Variants in LIG3 observed in about 807,000 individuals in gnomAD.
The protein encoded by LIG3 is ligase II, DNA, ATP-dependent.
In LIG3, 58 loss-of-function variants were observed where a neutral mutation model predicts 110.9. The ratio of observed to expected loss-of-function variants is 0.52; its 90% CI spans 0.42 to 0.65. The LOEUF (loss-of-function observed/expected upper bound fraction) is 0.65. LIG3 is among the 30% of genes least tolerant of loss of function. The probability of loss-of-function intolerance (pLI) is 0.00; values close to 1 mark genes in which losing one functional copy is unlikely to be tolerated. For missense variants in LIG3, 1,094 were observed against 1,273.8 expected, an observed-to-expected ratio of 0.86 and a Z score of 2.15; for synonymous variants, 422 against 472.8, an observed-to-expected ratio of 0.89 and a Z score of 1.39.
rs2090822319 is a variant in LIG3, at chr17:34,999,912, C to T, written c.2331+56C>T. 2.2e-6 allele frequency: 3 copies of T among 1,394,304 alleles called. No individual in the cohort carries two copies. The Admixed American group carries it at 5.1e-5, about 24-fold the overall frequency. 86.4% of individuals were successfully genotyped at this position (1,394,304 alleles called of 1,614,324 possible). A position where few individuals can be genotyped will look rare whatever the true frequency, so the allele number is the denominator to read the frequency against. ...CTCATAGAATTAGCTTGCAGGTTCT[C>T]TAGTGCCATAGAGAATCCATCTCAC... On this transcript the variant is annotated intron_variant, in intron 16 of 19. Coordinates refer to ENST00000378526, the MANE Select transcript of LIG3 (RefSeq NM_013975.4).
chr17:35,005,894 C>G lies in LIG3; in HGVS notation c.*1388C>G, dbSNP rs535560147. The G allele has an allele frequency of 2.1e-5, 7 of 339,510 alleles. No individual in the cohort carries two copies. The highest frequency in any genetic ancestry group is 1.2e-4 in the Admixed American group (3 of 24,272). The allele number at this position is 339,510 out of a possible 1,614,324, so 21.0% of individuals were successfully genotyped here. ...GAAAAAAACAGGAAGCATATTGAAG[C>G]TCGGACTAGAATTTCTTCTTGGTAT... On this transcript the variant is annotated 3_prime_UTR_variant, in exon 20 of 20. Transcript: ENST00000378526.
At position 34,983,358 on chromosome 17, in the gene LIG3, G is replaced by A. The variant is rs747853708; in HGVS notation, c.353G>A (p.Arg118Gln). The A allele has an allele frequency of 9.3e-6, 15 of 1,614,236 alleles. No homozygotes were observed. Among genetic ancestry groups the A allele is most frequent in the Admixed American group, 3.3e-5 (2 of 60,030 alleles). The change falls in exon 2 of 20, where the codon CGA becomes CAA. Residue 118 changes from arginine (R) to glutamine (Q), a missense_variant. Coordinates refer to ENST00000378526, the MANE Select transcript of LIG3 (RefSeq NM_013975.4). ...GAAAAGATTGTGAAGGGCGTATGCC[G>A]AATTGGCAAAGTGGTGCCCAATCCC... ...CKEKIVKGVCRIGKVVPNPFS... is the reference protein window; with the variant it reads ...CKEKIVKGVCQIGKVVPNPFS...
chr17:35,010,163 A>G (rs767387285), downstream of LIG3: 1 of 152,218 alleles, frequency 6.6e-6, no homozygotes. Context: ...TACCAATGTA[A>G]TAAGTCCCTT....
chr17:34,992,656 C>T lies in LIG3; in HGVS notation c.1419C>T (p.Val473=). ...KEPGQRRALS[V]QASLMTPVQP... Reference sequence around the variant, plus strand: ...CGGGCCAGAGACGAGCTCTGAGCGTCCAGGCCTCGCTGATGACACCTGTGC... The same window carrying T: ...CGGGCCAGAGACGAGCTCTGAGCGTTCAGGCCTCGCTGATGACACCTGTGC... Residue 473 remains valine, a synonymous_variant, in exon 8 of 20, where the codon GTC becomes GTT. Transcript: ENST00000378526. 2 of 1,610,802 alleles carry T rather than the reference C, an allele frequency of 1.2e-6. No individual in the cohort carries two copies. The highest frequency in any genetic ancestry group is 1.7e-5 in the Admixed American group (1 of 59,310).
chr17:34,986,801 G>A (rs2142240538), intron 3 of LIG3, among the ~76,000 whole-genome samples: 1 of 152,240 alleles, frequency 6.6e-6, no homozygotes, highest in East Asian at 1.9e-4. Flanking sequence ...TTGTTTCCCT[G>A]AATATGCCTA....
chr17:34,984,452 C>A (rs891567659), intron 2 of LIG3, among the ~76,000 whole-genome samples: 1 of 151,990 alleles, frequency 6.6e-6, no homozygotes, highest in Non-Finnish European at 1.5e-5. Context: ...GTCCTGTATA[C>A]CTTCATTAAC....
chr17:35,010,745 C>CAAAAAAA (rs59246535), downstream of LIG3: 11 of 132,356 alleles, frequency 8.3e-5, no homozygotes, highest in African/African-American at 2.9e-4. Flanking sequence ...GAGTGAGACT[C>CAAAAAAA]AAAAAAAAAA....
chr17:34,982,504 G>A (rs528043365), intron 1 of LIG3, among the ~76,000 whole-genome samples: 5 of 152,086 alleles, frequency 3.3e-5, no homozygotes, highest in East Asian at 3.9e-4. Flanking sequence ...AAAGTTAGCC[G>A]GGCGTGGTGG....
At position 34,998,395 on chromosome 17, in the gene LIG3, G is replaced by C. The variant is rs1398258009; in HGVS notation, c.1989+99G>C. ...CAGGAGATGGCGGTGGCAGCCTGCA[G>C]TGGTTGGGGTGGCTGCTGGGGAAGT... On this transcript the variant is annotated intron_variant, in intron 13 of 19. Coordinates refer to ENST00000378526, the MANE Select transcript of LIG3 (RefSeq NM_013975.4). 18 of 1,174,084 alleles carry C rather than the reference G, an allele frequency of 1.5e-5. No homozygotes were observed. The East Asian group carries it at 2.6e-4, about 17-fold the overall frequency. The allele number at this position is 1,174,084 out of a possible 1,614,324, so 72.7% of individuals were successfully genotyped here. A position where few individuals can be genotyped will look rare whatever the true frequency, so the allele number is the denominator to read the frequency against.
chr17:34,999,995 AG>A, intron 16 of LIG3, 139 bp downstream of exon 16: 1 of 636,560 alleles, frequency 1.6e-6, no homozygotes, highest in South Asian at 1.9e-5. Flanking sequence ...TGATAGGCAC[AG>A]GGACAACCAG....
rs938761586 is a variant in LIG3 at position 35,007,923 on chromosome 17, T to TAGAG, written c.*3419_*3422dup. On this transcript the variant is annotated 3_prime_UTR_variant, in exon 20 of 20. Transcript: ENST00000378526. ...CGCAGCTAAGTTTTTGTATTTTTAG[T>TAGAG]AGAGACCACGTTTCGCCATGTTGTC... 3 of 152,174 alleles carry TAGAG rather than the reference T, an allele frequency of 2.0e-5. No individual in the cohort carries two copies. Among genetic ancestry groups the TAGAG allele is most frequent in the African/African-American group, 7.2e-5 (3 of 41,422 alleles). 9.4% of individuals were successfully genotyped at this position (152,174 alleles called of 1,614,324 possible). A position where few individuals can be genotyped will look rare whatever the true frequency, so the allele number is the denominator to read the frequency against.
Position 35,005,853 on chromosome 17 carries a change from A to G in LIG3, c.*1347A>G. On this transcript the variant is annotated 3_prime_UTR_variant, in exon 20 of 20. Coordinates refer to ENST00000378526, the MANE Select transcript of LIG3 (RefSeq NM_013975.4). Reference sequence around the variant, plus strand: ...GTGGGAAAGAATGAAGAGCAGCAGTAAAAGAAATACCTAGCGAAAAAAACA... The same window carrying G: ...GTGGGAAAGAATGAAGAGCAGCAGTGAAAGAAATACCTAGCGAAAAAAACA... The G allele has an allele frequency of 2.5e-6, 1 of 397,054 alleles. No individual in the cohort carries two copies. The highest frequency in any genetic ancestry group is 5.0e-6 in the Non-Finnish European group (1 of 201,172). 24.6% of individuals were successfully genotyped at this position (397,054 alleles called of 1,614,324 possible). A position where few individuals can be genotyped will look rare whatever the true frequency, so the allele number is the denominator to read the frequency against.
chr17:34,986,602 G>A (rs1172865581), intron 3 of LIG3, among the ~76,000 whole-genome samples: 1 of 152,156 alleles, frequency 6.6e-6, no homozygotes, highest in African/African-American at 2.4e-5. Flanking sequence ...GATTGCAGGC[G>A]TGAGCCACTG....
At position 35,000,193 on chromosome 17, in the gene LIG3, C is replaced by G. The variant is rs576297909; in HGVS notation, c.2331+337C>G. Among the ~76,000 whole-genome samples, 10 of 152,314 alleles carry G rather than the reference C, an allele frequency of 6.6e-5. No individual in the cohort carries two copies. The South Asian group carries it at 2.1e-3, about 32-fold the overall frequency. Reference sequence around the variant, plus strand: ...CAAACAGGACTTCCCTAAGGTTATTCAGCAACAGCAGCAGCAGAACTAGGA... The same window carrying G: ...CAAACAGGACTTCCCTAAGGTTATTGAGCAACAGCAGCAGCAGAACTAGGA... On this transcript the variant is annotated intron_variant, in intron 16 of 19. Coordinates refer to ENST00000378526, the MANE Select transcript of LIG3 (RefSeq NM_013975.4).
At chr17:35,003,384 C>T (rs896555909) in intron 19 of LIG3, 4 of 252,656 alleles carry the variant, frequency 1.6e-5, no homozygotes, top group Non-Finnish European at 2.3e-5. Context: ...CTGCAACCTC[C>T]GCTCACTGCA....
chr17:34,989,506 C>T lies in LIG3; in HGVS notation c.732C>T (p.Thr244=). ...NNSGEAPSSP[T]PKRSLSSSKC... is the part of the protein sequence containing the mutation. ...CTGGGGAAGCCCCCTCGAGCCCCAC[C>T]CCTAAGAGAAGTCTGTCTTCAAGCA... is the stretch of plus-strand genomic sequence containing the variant. Residue 244 remains threonine, a synonymous_variant, in exon 4 of 20, where the codon ACC becomes ACT. Transcript: ENST00000378526. 6.2e-7 allele frequency: 1 copy of T among 1,614,100 alleles called. No homozygotes were observed. Among genetic ancestry groups the T allele is most frequent in the Non-Finnish European group, 8.5e-7 (1 of 1,180,032 alleles).
In LIG3 at chr17:35,009,476, AAGGGAGG is replaced by A. The variant is rs2090920965; in HGVS notation, c.*4972_*4978del. On this transcript the variant is annotated 3_prime_UTR_variant, in exon 20 of 20. Transcript: ENST00000378526. ...AAAACCAAGGATCCATGAGGGGCAG[AAGGGAGG>A]ATTCAAAGATTTAAAAAAAATCAAA... is the stretch of plus-strand genomic sequence containing the variant. 1 of 152,198 alleles carries A rather than the reference AAGGGAGG, an allele frequency of 6.6e-6. No homozygotes were observed. Among genetic ancestry groups the A allele is most frequent in the Non-Finnish European group, 1.5e-5 (1 of 68,040 alleles). 9.4% of individuals were successfully genotyped at this position (152,198 alleles called of 1,614,324 possible).
Position 35,003,051 on chromosome 17 carries a change from C to T in LIG3, c.2796+262C>T, listed in dbSNP as rs73284962. 6.4e-4 allele frequency: 1,030 copies of T among 1,614,142 alleles called. 3 individuals are homozygous for T. In the African/African-American group the frequency reaches 0.012, roughly 19 times the overall value. Reference sequence around the variant, plus strand: ...CTGTGCCAGCAGGCAGGAGATAGAACAGCCCGGCCTAGCCAGGAGAGACTG... The same window carrying T: ...CTGTGCCAGCAGGCAGGAGATAGAATAGCCCGGCCTAGCCAGGAGAGACTG... On this transcript the variant is annotated intron_variant, in intron 19 of 19. Coordinates refer to ENST00000378526, the MANE Select transcript of LIG3 (RefSeq NM_013975.4).
intron 8 of LIG3, among the ~76,000 whole-genome samples, chr17:34,993,862 G>A (rs756958500): frequency 2.0e-5 from 3 of 152,054 alleles, no homozygotes; most frequent in African/African-American, 7.2e-5. Context: ...CACTCACCCT[G>A]CCAGCCTCAC....
Sources: allele counts gnomAD v4.1 joint callset (sites outside exome capture counted in the v4.1 genomes callset), GRCh38; gene constraint gnomAD v4.1.1; transcripts MANE v1.5; gene names NCBI Gene and HGNC (gene_info 2026-07-23, HGNC 2026-07-21).